Variants in STXBP4 observed in about 807,000 individuals in gnomAD.
STXBP4 encodes the protein syntaxin binding protein 4, also known as syntaxin-binding protein 4.
STXBP4 carries 55 observed loss-of-function variants against 76.1 expected under a neutral mutation model. The ratio of observed to expected loss-of-function variants is 0.72; its 90% CI spans 0.58 to 0.91. The LOEUF (loss-of-function observed/expected upper bound fraction) is 0.91, where lower values mean the gene tolerates loss of function less well. STXBP4 is among the 40% of genes least tolerant of loss of function. The pLI, the probability that STXBP4 is intolerant of heterozygous loss-of-function variation, is 0.00. For missense variants in STXBP4, 618 were observed against 636.9 expected (o/e 0.97, Z 0.32); for synonymous variants, 201 against 220.2 (o/e 0.91, Z 0.77).
At chr17:55,201,670 C>T in the STXBP4 span, among the ~76,000 whole-genome samples, 2 of 152,176 alleles carry the variant, frequency 1.3e-5, no homozygotes, top group Non-Finnish European at 2.9e-5. Context: ...CTGCTAAGGT[C>T]GTAGCAAAGG....
chr17:55,191,088 T>C, the STXBP4 span, among the ~76,000 whole-genome samples: 4 of 152,204 alleles, frequency 2.6e-5, no homozygotes, highest in Admixed American at 2.6e-4. Flanking sequence ...TTATTGGTTC[T>C]TCCCAACAAA....
At chr17:55,136,984 G>A (rs2080035705) in intron 16 of STXBP4, among the ~76,000 whole-genome samples, 1 of 152,020 alleles carries the variant, frequency 6.6e-6, no homozygotes, top group Non-Finnish European at 1.5e-5. Context: ...ATATCATTGT[G>A]TAGTTACATG....
intron 11 of STXBP4, among the ~76,000 whole-genome samples, chr17:55,046,790 C>G (rs760772287): frequency 3.3e-5 from 5 of 151,836 alleles, no homozygotes; most frequent in Non-Finnish European, 7.4e-5. Flanking sequence ...GCAATGATAG[C>G]TTAACCAAAA....
chr17:55,175,305 C>T (rs117479289), downstream of STXBP4, among the ~76,000 whole-genome samples: 3 of 152,262 alleles, frequency 2.0e-5, no homozygotes, highest in Non-Finnish European at 4.4e-5. Context: ...TGCTGATGCT[C>T]ATAGCAGAAA....
chr17:55,046,529 G>T (rs1351352605), intron 11 of STXBP4, among the ~76,000 whole-genome samples: 1 of 151,752 alleles, frequency 6.6e-6, no homozygotes, highest in African/African-American at 2.4e-5. Context: ...ACATCGTAGG[G>T]TATATGCTTG....
chr17:55,033,128 C>G (rs1251482946), intron 9 of STXBP4, among the ~76,000 whole-genome samples: 1 of 152,144 alleles, frequency 6.6e-6, no homozygotes, highest in Non-Finnish European at 1.5e-5. Flanking sequence ...AATCCCAGCA[C>G]TTTAGGAGGC....
chr17:55,100,275 T>G (rs953364228), intron 16 of STXBP4, among the ~76,000 whole-genome samples: 4 of 152,248 alleles, frequency 2.6e-5, no homozygotes, highest in African/African-American at 9.6e-5. Flanking sequence ...TTGTTTTGTC[T>G]TGTTTTGTTT....
intron 4 of STXBP4, among the ~76,000 whole-genome samples, chr17:54,996,858 A>G (rs2077812936): frequency 6.6e-6 from 1 of 152,252 alleles, no homozygotes; most frequent in South Asian, 2.1e-4. Context: ...TATTATTTAG[A>G]AAACTATATA....
rs2080396105 is a variant in STXBP4, at chr17:55,169,757, A to C, written c.*9846A>C. The C allele has an allele frequency of 6.6e-6, 1 of 152,214 alleles. No homozygotes were observed. 9.4% of individuals were successfully genotyped at this position (152,214 alleles called of 1,614,324 possible). A position where few individuals can be genotyped will look rare whatever the true frequency, so the allele number is the denominator to read the frequency against. On this transcript the variant is annotated 3_prime_UTR_variant, in exon 18 of 18. Transcript: ENST00000376352. ...AAAATTGTGTTAAAAGCTATTTCTA[A>C]AAACCCTAACATGAAATACTTAGAA...
chr17:55,034,038 A>T, intron 9 of STXBP4, 130 bp from the exon 10 acceptor site: 1 of 568,512 alleles, frequency 1.8e-6, no homozygotes, highest in Non-Finnish European at 3.1e-6. Context: ...TTTACCTATC[A>T]CTTCAGTCAA....
the STXBP4 span, among the ~76,000 whole-genome samples, chr17:55,188,590 A>G: frequency 6.6e-6 from 1 of 152,218 alleles, no homozygotes; most frequent in Non-Finnish European, 1.5e-5. Flanking sequence ...TAGAGCTGCC[A>G]TTCCATTCTC....
intron 16 of STXBP4, among the ~76,000 whole-genome samples, chr17:55,108,180 G>A (rs191537089): frequency 3.0e-4 from 45 of 152,246 alleles, no homozygotes; most frequent in Non-Finnish European, 5.9e-4. Flanking sequence ...GTGCCAGTTC[G>A]AACTTCCTGG....
intron 12 of STXBP4, among the ~76,000 whole-genome samples, chr17:55,051,109 G>A (rs2078853055): frequency 1.3e-5 from 2 of 152,110 alleles, no homozygotes; most frequent in Admixed American, 1.3e-4. Context: ...CCTACAACAT[G>A]GGTAGATATG....
chr17:55,174,136 C>G (rs2145220207), downstream of STXBP4, among the ~76,000 whole-genome samples: 1 of 152,342 alleles, frequency 6.6e-6, no homozygotes, highest in African/African-American at 2.4e-5. Context: ...CAAAGTTCAT[C>G]TCTTAATCAC....
chr17:55,185,227 T>C, the STXBP4 span, among the ~76,000 whole-genome samples: 9 of 47,068 alleles, frequency 1.9e-4, no homozygotes, highest in Non-Finnish European at 3.4e-4. Context: ...TTCTTCTTCT[T>C]CTTCTTCTTC....
At chr17:54,982,602 G>GTT (rs1317725860) in intron 1 of STXBP4, among the ~76,000 whole-genome samples, 1 of 148,686 alleles carries the variant, frequency 6.7e-6, no homozygotes, top group Non-Finnish European at 1.5e-5. Flanking sequence ...GTTTGTGTGT[G>GTT]TGTGTGTGTG....
chr17:55,044,735 T>C lies in STXBP4; in HGVS notation c.945+1410T>C, dbSNP rs2078760936. 4.6e-5 allele frequency: 7 copies of C among 152,264 alleles called. No individual in the cohort carries two copies. In the South Asian group the frequency reaches 1.5e-3, roughly 32 times the overall value. 9.4% of individuals were successfully genotyped at this position (152,264 alleles called of 1,614,324 possible). On this transcript the variant is annotated intron_variant, in intron 11 of 17. Coordinates refer to ENST00000376352, the MANE Select transcript of STXBP4 (RefSeq NM_178509.6). ...ACTTTCCCTTCAATTTTGCTATGAA[T>C]CCAAAACTGCTTCAAAAAATAATAA...
chr17:55,032,550 A>G (rs1292963070), intron 9 of STXBP4, among the ~76,000 whole-genome samples: 5 of 152,200 alleles, frequency 3.3e-5, no homozygotes, highest in African/African-American at 4.8e-5. Context: ...TAGGCAGGAT[A>G]TTAAAACAGG....
At chr17:55,112,875 T>C (rs1488572770) in intron 16 of STXBP4, among the ~76,000 whole-genome samples, 1 of 151,950 alleles carries the variant, frequency 6.6e-6, no homozygotes, top group Non-Finnish European at 1.5e-5. Flanking sequence ...AGGAAACTCA[T>C]GGAGAAGGGA....
Sources: gnomAD v4.1 joint callset for allele counts (sites outside exome capture counted in the v4.1 genomes callset) on GRCh38, gnomAD v4.1.1 for gene constraint, MANE v1.5 for transcripts, NCBI Gene and HGNC (gene_info 2026-07-23, HGNC 2026-07-21) for gene names.